The following RALYL variants were observed in gnomAD, a reference collection of about 807,000 sequenced individuals.
The protein encoded by RALYL is RALY RNA binding protein like.
RALYL carries 29 observed loss-of-function variants against 35.1 expected under a neutral mutation model. The ratio of observed to expected loss-of-function variants is 0.83; its 90% CI spans 0.61 to 1.13. RALYL has a LOEUF of 1.13. RALYL is among the 50% of genes most tolerant of loss of function. The pLI, the probability that RALYL is intolerant of heterozygous loss-of-function variation, is 0.00. For missense variants in RALYL, 359 were observed against 360.4 expected, an observed-to-expected ratio of 1.00 and a Z score of 0.03; for synonymous variants, 120 against 127.6, an observed-to-expected ratio of 0.94 and a Z score of 0.40.
At chr8:84,311,048 C>T (rs575405698) in intron 1 of RALYL, among the ~76,000 whole-genome samples, 1,177 of 30,360 alleles carry the variant, frequency 0.039, 30 homozygotes, top group African/African-American at 0.11. Context: ...AGCGAGACTC[C>T]GTCTCAAAAA....
intron 6 of RALYL, chr8:84,872,749 G>A (rs1165843498): frequency 6.6e-6 from 1 of 152,208 alleles, no homozygotes; most frequent in African/African-American, 2.4e-5. Flanking sequence ...TAGGAAAACT[G>A]AAGCTTCATA....
chr8:84,895,366 CAG>C (rs1844571417), intron 8 of RALYL, among the ~76,000 whole-genome samples: 1 of 151,276 alleles, frequency 6.6e-6, no homozygotes, highest in Admixed American at 6.6e-5. Context: ...CTTAGAAAGT[CAG>C]AAAGACTTTG....
chr8:84,816,953 G>T (rs1228011918), intron 4 of RALYL, among the ~76,000 whole-genome samples: 1 of 151,756 alleles, frequency 6.6e-6, no homozygotes, highest in Non-Finnish European at 1.5e-5. Flanking sequence ...GAAATAAAAA[G>T]AATACATCAA....
intron 7 of RALYL, among the ~76,000 whole-genome samples, chr8:84,887,389 G>A (rs1843069515): frequency 6.6e-6 from 1 of 152,070 alleles, no homozygotes; most frequent in Non-Finnish European, 1.5e-5. Flanking sequence ...TGCTAATTCT[G>A]TTAAATAAAT....
At chr8:84,702,804 T>A (rs1167798641) in intron 2 of RALYL, among the ~76,000 whole-genome samples, 3 of 152,302 alleles carry the variant, frequency 2.0e-5, no homozygotes, top group Non-Finnish European at 4.4e-5. Context: ...TAATGAGAAT[T>A]AATTTATCCC....
At chr8:84,263,973 C>T (rs1832795574) in intron 1 of RALYL, among the ~76,000 whole-genome samples, 1 of 152,154 alleles carries the variant, frequency 6.6e-6, no homozygotes, top group African/African-American at 2.4e-5. Context: ...CATAGTATTC[C>T]ATGGTATATA....
intron 8 of RALYL, among the ~76,000 whole-genome samples, chr8:84,919,314 A>G (rs1217798309): frequency 2.6e-5 from 4 of 152,062 alleles, no homozygotes; most frequent in African/African-American, 9.7e-5. Context: ...CTATTTTCAT[A>G]TATCAGTGTT....
At chr8:84,287,520 G>A (rs989905799) in intron 1 of RALYL, among the ~76,000 whole-genome samples, 1 of 152,152 alleles carries the variant, frequency 6.6e-6, no homozygotes, top group African/African-American at 2.4e-5. Context: ...AGGGTCATGG[G>A]TGGCATCTTG....
At chr8:84,637,767 A>G (rs1825383427) in intron 2 of RALYL, among the ~76,000 whole-genome samples, 1 of 151,702 alleles carries the variant, frequency 6.6e-6, no homozygotes, top group South Asian at 2.1e-4. Context: ...GCCTTGAGGT[A>G]ATCTCTGGAA....
chr8:84,235,705 G>A (rs566668402), intron 1 of RALYL, among the ~76,000 whole-genome samples: 36 of 151,526 alleles, frequency 2.4e-4, no homozygotes, highest in African/African-American at 8.2e-4. Context: ...CAAAGAGGGT[G>A]AAACTACATT....
intron 2 of RALYL, among the ~76,000 whole-genome samples, chr8:84,572,776 T>G (rs1181369614): frequency 6.6e-6 from 1 of 151,814 alleles, no homozygotes; most frequent in African/African-American, 2.4e-5. Context: ...TCTTAAGATA[T>G]CTGCATTTTG....
chr8:84,783,203 T>G (rs1818605273), intron 3 of RALYL, among the ~76,000 whole-genome samples: 1 of 152,190 alleles, frequency 6.6e-6, no homozygotes, highest in South Asian at 2.1e-4. Flanking sequence ...ACTAAAAATT[T>G]TTAATGTTCC....
At chr8:84,843,721 T>C (rs1242218770) in intron 4 of RALYL, among the ~76,000 whole-genome samples, 1 of 152,124 alleles carries the variant, frequency 6.6e-6, no homozygotes, top group African/African-American at 2.4e-5. Flanking sequence ...CAAACTATAC[T>C]ACAAGACTAC....
intron 2 of RALYL, among the ~76,000 whole-genome samples, chr8:84,644,161 G>T (rs1290369543): frequency 6.6e-6 from 1 of 151,956 alleles, no homozygotes; most frequent in African/African-American, 2.4e-5. Context: ...AAGAGGAGAA[G>T]AAAAGGTTTC....
At chr8:84,464,263 G>A (rs898332067) in intron 1 of RALYL, among the ~76,000 whole-genome samples, 3 of 151,682 alleles carry the variant, frequency 2.0e-5, no homozygotes, top group Non-Finnish European at 4.4e-5. Context: ...CTAGCATTAG[G>A]TATATCTCCC....
chr8:84,909,966 T>C (rs1298998243), intron 8 of RALYL, among the ~76,000 whole-genome samples: 1 of 152,122 alleles, frequency 6.6e-6, no homozygotes, highest in Non-Finnish European at 1.5e-5. Context: ...CATCTCCCAC[T>C]TTAACCTAAA....
At chr8:84,556,769 C>A (rs2061150594) in intron 2 of RALYL, among the ~76,000 whole-genome samples, 1 of 151,828 alleles carries the variant, frequency 6.6e-6, no homozygotes, top group Admixed American at 6.6e-5. Context: ...TGTTTCTACT[C>A]TTTTTTTTGA....
chr8:84,773,261 T>C (rs1239362301), intron 2 of RALYL, among the ~76,000 whole-genome samples: 1 of 152,220 alleles, frequency 6.6e-6, no homozygotes, highest in African/African-American at 2.4e-5. Context: ...TCTTGCTAGT[T>C]TTATGTTGCA....
chr8:84,365,164 A>G (rs1433260979), intron 1 of RALYL, among the ~76,000 whole-genome samples: 2 of 152,132 alleles, frequency 1.3e-5, no homozygotes. Flanking sequence ...CTTAATAGTA[A>G]ATTACTAGTC....
Sources: gnomAD v4.1 joint callset for allele counts (sites outside exome capture counted in the v4.1 genomes callset) on GRCh38, gnomAD v4.1.1 for gene constraint, MANE v1.5 for transcripts, NCBI Gene and HGNC (gene_info 2026-07-23, HGNC 2026-07-21) for gene names.